HERC1: variants seen among roughly 807,000 people sequenced by gnomAD.
HERC1 encodes HECT and RLD domain containing E3 ubiquitin protein ligase family member 1.
In HERC1, 160 loss-of-function variants were observed where a neutral mutation model predicts 554.3. The observed-to-expected ratio is 0.29, with a 90% CI of 0.25 to 0.33. HERC1 has a LOEUF of 0.33. Ranked by LOEUF, HERC1 falls within the 10% of genes least tolerant of loss-of-function variation. The pLI, the probability that HERC1 is intolerant of heterozygous loss-of-function variation, is 1.00. For synonymous variants in HERC1, 2,175 were observed against 2,131.7 expected (o/e 1.02, Z -0.56); for missense variants, 4,919 against 5,918.5 (o/e 0.83, Z 5.54).
rs372873653 is a variant in HERC1, at chr15:63,705,884, G to T, written c.4636+896C>A. Among the ~76,000 whole-genome samples, 20 of 152,004 alleles carry T rather than the reference G, an allele frequency of 1.3e-4. 1 individual carries two copies. The South Asian group carries it at 3.9e-3, about 30-fold the overall frequency. On this transcript the variant is annotated intron_variant, in intron 25 of 77. Transcript: ENST00000443617. ...TCTCTACAAAAATAATAAAAAACTAGCTGAGCATGGTGGTGCACACCTGCA... is the reference window on the plus strand; with the variant it reads ...TCTCTACAAAAATAATAAAAAACTATCTGAGCATGGTGGTGCACACCTGCA...
Position 63,775,597 on chromosome 15 carries a change from C to A in HERC1, c.27G>T (p.Lys9Asn). MATMIPPVKLKWLEHLNSS... is the reference protein window; with the variant it reads MATMIPPVNLKWLEHLNSS... ...TGTTCAAGTGTTCAAGCCATTTCAG[C>A]TTCACTGGTGGAATCATAGTTGCCA... Residue 9 changes from lysine to asparagine, a missense_variant, in exon 2 of 78, where the codon AAG (lysine) becomes AAT (asparagine). Physicochemically the swap from Lys to Asn is moderately conservative, Grantham distance 94 (BLOSUM62 0). Transcript: ENST00000443617. The surrounding 1 kb of genome is among the most constrained non-coding windows in gnomAD (Gnocchi z 4.0). The A allele has an allele frequency of 6.2e-7, 1 of 1,604,250 alleles. No homozygotes were observed. Among genetic ancestry groups the A allele is most frequent in the Non-Finnish European group, 8.5e-7 (1 of 1,175,960 alleles).
intron 12 of HERC1, among the ~76,000 whole-genome samples, chr15:63,745,630 G>A (rs1293162141): frequency 1.3e-5 from 2 of 152,206 alleles, no homozygotes; most frequent in East Asian, 3.9e-4. Flanking sequence ...CTGCTGCAGG[G>A]GGAGGAGTGG....
chr15:63,678,401 ATT>A (rs754438012), intron 36 of HERC1, 36 bp from the exon 37 acceptor site: 1 of 1,519,430 alleles, frequency 6.6e-7, no homozygotes, highest in Admixed American at 2.4e-5. Flanking sequence ...AACACATGCT[ATT>A]AGTAGTTCTT....
chr15:63,623,535 C>G (rs1026496270), intron 73 of HERC1, among the ~76,000 whole-genome samples, 190 bp downstream of exon 73: 3 of 152,192 alleles, frequency 2.0e-5, no homozygotes, highest in African/African-American at 7.2e-5. Context: ...AGTAAGGTAT[C>G]TTGACAAAGC....
chr15:63,753,235 A>G, intron 7 of HERC1, 150 bp from the exon 8 acceptor site: 1 of 483,818 alleles, frequency 2.1e-6, no homozygotes, highest in East Asian at 3.4e-5. Flanking sequence ...GGATGTTAAC[A>G]AACGAGCATT....
Position 63,634,900 on chromosome 15 carries a change from C to G in HERC1, c.12415-12G>C, listed in dbSNP as rs764896491. 3.8e-6 allele frequency: 6 copies of G among 1,563,906 alleles called. No individual in the cohort carries two copies. The South Asian group carries it at 4.9e-5, about 13-fold the overall frequency. Reference sequence around the variant, plus strand: ...AAGCCACAAGACATCTAAGACAGAACCAAGGAGAAAGAAAATTTTTAAGAA... The same window carrying G: ...AAGCCACAAGACATCTAAGACAGAAGCAAGGAGAAAGAAAATTTTTAAGAA... On this transcript the variant is annotated splice_polypyrimidine_tract_variant and intron_variant, in intron 65 of 77. Coordinates refer to ENST00000443617, the MANE Select transcript of HERC1 (RefSeq NM_003922.4).
chr15:63,662,148 G>C, intron 44 of HERC1, 127 bp from the exon 45 acceptor site: 1 of 1,037,216 alleles, frequency 9.6e-7, no homozygotes, highest in Non-Finnish European at 1.3e-6. Flanking sequence ...GTTCATTAAT[G>C]CTAAATAAAA....
rs2075358026 is a variant in HERC1 at position 63,754,548 on chromosome 15, A to G, written c.1731T>C (p.Ser577=). The change falls in exon 7 of 78, where the codon TCT becomes TCC. Residue 577 remains serine, a synonymous_variant. Transcript: ENST00000443617. ...SCGSSHTIAL[S]KDGRTVWSFG... is the part of the protein sequence containing the mutation. The stretch of plus-strand genomic sequence containing the variant: ...AAGACCATACAGTTCTCCCATCTTT[A>G]GACAGAGCAATAGTATGTGAACTGC... 1.2e-6 allele frequency: 2 copies of G among 1,613,444 alleles called. No individual in the cohort carries two copies. The highest frequency in any genetic ancestry group is 1.7e-6 in the Non-Finnish European group (2 of 1,179,586).
intron 43 of HERC1, among the ~76,000 whole-genome samples, chr15:63,663,508 T>C (rs138014399): frequency 1.1e-3 from 164 of 152,312 alleles, no homozygotes; most frequent in Non-Finnish European, 1.5e-3. Context: ...CAAGCTGGAG[T>C]GCAATGGCAC....
At chr15:63,765,190 T>C (rs984637871) in intron 2 of HERC1, among the ~76,000 whole-genome samples, 2 of 152,200 alleles carry the variant, frequency 1.3e-5, no homozygotes, top group African/African-American at 4.8e-5. Flanking sequence ...GAGAAATACA[T>C]AATTCCACTA....
chr15:63,712,813 A>C lies in HERC1; in HGVS notation c.4546T>G (p.Leu1516Val). The change falls in exon 24 of 78, where the codon TTG (leucine) becomes GTG (valine). Residue 1516 changes from leucine (L) to valine (V), a missense_variant. By Grantham distance (32) the Leu-to-Val change is conservative (BLOSUM62 1). Around this residue, in one of 11 missense-constraint regions of HERC1, gnomAD observed 1,121 missense variants for 1,244.0 expected, o/e 0.90. Transcript: ENST00000443617. ...TCTTCATCTGATTCAGGCTGAGACA[A>C]ATCAGATTCACTCCTCGATTTGATC... ...RLIKSRSESDLSQPESDEEGY... is the reference protein window; with the variant it reads ...RLIKSRSESDVSQPESDEEGY... The C allele has an allele frequency of 6.2e-7, 1 of 1,613,890 alleles. No individual in the cohort carries two copies. The highest frequency in any genetic ancestry group is 8.5e-7 in the Non-Finnish European group (1 of 1,179,834).
intron 33 of HERC1, among the ~76,000 whole-genome samples, chr15:63,686,879 TG>T (rs1344249345): frequency 6.6e-6 from 1 of 152,192 alleles, no homozygotes; most frequent in East Asian, 1.9e-4. Context: ...AGTTGAGTCC[TG>T]AATGATGAGA....
intron 3 of HERC1, among the ~76,000 whole-genome samples, chr15:63,760,450 A>AG (rs2075573512): frequency 1.3e-5 from 2 of 150,628 alleles, no homozygotes; most frequent in Admixed American, 6.6e-5. Flanking sequence ...AAAAAAAAAA[A>AG]AAAAAGACAC....
rs924642968 is a variant in HERC1, at chr15:63,758,892, A to C, written c.1027-523T>G. On this transcript the variant is annotated intron_variant, in intron 3 of 77. Transcript: ENST00000443617. The surrounding 1 kb of genome is among the most constrained non-coding windows in gnomAD (Gnocchi z 4.0). ...TCACAATGTACTCAACCACTTCCCCACCCCCAACTTTTTTTTTAAATAGAT... is the reference window on the plus strand; with the variant it reads ...TCACAATGTACTCAACCACTTCCCCCCCCCCAACTTTTTTTTTAAATAGAT... 8.6e-5 allele frequency among the ~76,000 whole-genome samples: 13 copies of C among 151,560 alleles called. 2 individuals are homozygous for C. The highest frequency in any genetic ancestry group is 7.9e-4 in the Admixed American group (12 of 15,154).
chr15:63,742,929 G>A (rs2074870138), intron 12 of HERC1, among the ~76,000 whole-genome samples: 1 of 152,022 alleles, frequency 6.6e-6, no homozygotes, highest in African/African-American at 2.4e-5. Flanking sequence ...TTTAATAGCT[G>A]GTCTATAGTT....
At chr15:63,625,941 C>T in intron 71 of HERC1, 44 bp downstream of exon 71, 1 of 1,572,742 alleles carries the variant, frequency 6.4e-7, no homozygotes, top group Non-Finnish European at 8.6e-7. Context: ...GCACTGCTTA[C>T]CAAGCCAGTC....
intron 1 of HERC1, among the ~76,000 whole-genome samples, chr15:63,813,350 A>ACAC (rs2077391494): frequency 6.9e-6 from 1 of 144,776 alleles, no homozygotes; most frequent in South Asian, 2.2e-4. Context: ...ACACACACAC[A>ACAC]AACTCGTAAG....
At chr15:63,724,228 T>A (rs1296525366) in intron 18 of HERC1, among the ~76,000 whole-genome samples, 1 of 151,734 alleles carries the variant, frequency 6.6e-6, no homozygotes, top group Non-Finnish European at 1.5e-5. Context: ...TCTCAGGAGG[T>A]CCTTTAGGAC....
Position 63,680,561 on chromosome 15 carries a change from G to A in HERC1, c.6441C>T (p.Thr2147=), listed in dbSNP as rs1567006692. The change falls in exon 35 of 78, where the codon ACC becomes ACT. Residue 2147 remains threonine, a synonymous_variant. Coordinates refer to ENST00000443617, the MANE Select transcript of HERC1 (RefSeq NM_003922.4). This position sits in a 1 kb window ranked among gnomAD's most constrained non-coding sequence, Gnocchi z 5.8. The part of the protein sequence containing the change: ...ITCVLDMEAR[T]ISFGKNGEEP... Reference sequence around the variant, plus strand: ...CCTCTCCATTTTTCCCAAAAGAAATGGTCCTGGCTTCCATGTCTAACACAC... The same window carrying A: ...CCTCTCCATTTTTCCCAAAAGAAATAGTCCTGGCTTCCATGTCTAACACAC... 6.2e-7 allele frequency: 1 copy of A among 1,613,712 alleles called. No homozygotes were observed. The highest frequency in any genetic ancestry group is 2.2e-5 in the East Asian group (1 of 44,870).
Sources: allele counts gnomAD v4.1 joint callset (sites outside exome capture counted in the v4.1 genomes callset), GRCh38; gene constraint gnomAD v4.1.1; regional missense constraint gnomAD v4.1.1; non-coding constraint Gnocchi (gnomAD v3.1); transcripts MANE v1.5; gene names NCBI Gene and HGNC (gene_info 2026-07-23, HGNC 2026-07-21).